Variants in TXLNB observed in about 807,000 individuals in gnomAD.
The protein encoded by TXLNB is beta-taxilin.
TXLNB carries 37 observed loss-of-function variants against 57.4 expected under a neutral mutation model. The observed-to-expected ratio is 0.64, with a 90% CI of 0.50 to 0.85. The LOEUF (loss-of-function observed/expected upper bound fraction) is 0.85. TXLNB is among the 40% of genes least tolerant of loss of function. The probability of loss-of-function intolerance (pLI) is 0.00; values close to 1 mark genes in which losing one functional copy is unlikely to be tolerated. For missense variants in TXLNB, 848 were observed against 825.6 expected, an observed-to-expected ratio of 1.03 and a Z score of -0.33; for synonymous variants, 302 against 309.6, an observed-to-expected ratio of 0.98 and a Z score of 0.26.
chr6:139,234,341 TG>T, the TXLNB span: 4 of 152,266 alleles, frequency 2.6e-5, no homozygotes, highest in African/African-American at 9.6e-5. Context: ...AGGGCATGTC[TG>T]AGACCTTCAT....
the TXLNB span, among the ~76,000 whole-genome samples, chr6:139,310,268 A>G: frequency 2.0e-5 from 3 of 152,228 alleles, no homozygotes; most frequent in Non-Finnish European, 4.4e-5. Context: ...AAGAATTCTT[A>G]CAACTCAATA....
At chr6:139,212,273 T>G in the TXLNB span, among the ~76,000 whole-genome samples, 2 of 152,140 alleles carry the variant, frequency 1.3e-5, no homozygotes, top group African/African-American at 2.4e-5. Flanking sequence ...GACTAACAGC[T>G]GATCTCTCAG....
chr6:139,316,943 T>C, the TXLNB span, among the ~76,000 whole-genome samples: 5 of 152,206 alleles, frequency 3.3e-5, no homozygotes, highest in African/African-American at 7.2e-5. Context: ...TACTTGAGGA[T>C]CCAAGACTGG....
At chr6:139,298,521 C>T in the TXLNB span, among the ~76,000 whole-genome samples, 1 of 152,152 alleles carries the variant, frequency 6.6e-6, no homozygotes, top group African/African-American at 2.4e-5. Flanking sequence ...TTCCTTATCC[C>T]ATTGCTGGAT....
chr6:139,230,039 T>C, the TXLNB span, among the ~76,000 whole-genome samples: 1 of 152,238 alleles, frequency 6.6e-6, no homozygotes, highest in Admixed American at 6.5e-5. Flanking sequence ...TTGCTCCCTT[T>C]AACTTTTGAA....
At chr6:139,220,465 T>C in the TXLNB span, among the ~76,000 whole-genome samples, 1 of 152,208 alleles carries the variant, frequency 6.6e-6, no homozygotes, top group Admixed American at 6.5e-5. Flanking sequence ...TGAATCCTTG[T>C]ATACCATCCA....
chr6:139,229,028 T>C, the TXLNB span, among the ~76,000 whole-genome samples: 1 of 152,294 alleles, frequency 6.6e-6, no homozygotes, highest in South Asian at 2.1e-4. Context: ...CCAGACTGCA[T>C]GTATCCAGGA....
chr6:139,234,151 G>C, the TXLNB span: 1 of 152,150 alleles, frequency 6.6e-6, no homozygotes, highest in Non-Finnish European at 1.5e-5. Flanking sequence ...TTTCTAAGGG[G>C]TAAAGCATTC....
the TXLNB span, among the ~76,000 whole-genome samples, chr6:139,312,272 T>C: frequency 6.6e-6 from 1 of 152,104 alleles, no homozygotes. Context: ...CTTAGGACAT[T>C]AGACTTGAGG....
chr6:139,163,619 G>T, the TXLNB span, among the ~76,000 whole-genome samples: 1 of 152,200 alleles, frequency 6.6e-6, no homozygotes, highest in African/African-American at 2.4e-5. Context: ...CTTCGAAAGT[G>T]CTGGGATTAC....
intron 5 of TXLNB, 36 bp from the exon 6 acceptor site, chr6:139,260,473 T>G: frequency 3.1e-6 from 5 of 1,600,126 alleles, no homozygotes; most frequent in Non-Finnish European, 4.3e-6. Context: ...AAGCTTGGTT[T>G]ATTATTGGTG....
At chr6:139,192,842 A>C in the TXLNB span, among the ~76,000 whole-genome samples, 1 of 152,082 alleles carries the variant, frequency 6.6e-6, no homozygotes, top group Non-Finnish European at 1.5e-5. Context: ...ACACGCCTGT[A>C]TTCCCAGCTA....
chr6:139,201,107 T>C, the TXLNB span, among the ~76,000 whole-genome samples: 1 of 152,194 alleles, frequency 6.6e-6, no homozygotes, highest in Non-Finnish European at 1.5e-5. Flanking sequence ...TTACTTTACA[T>C]TGAAATAAAT....
intron 3 of TXLNB, among the ~76,000 whole-genome samples, chr6:139,276,204 G>C (rs1284376864): frequency 6.6e-6 from 1 of 152,146 alleles, no homozygotes; most frequent in Non-Finnish European, 1.5e-5. Context: ...TAAATGCCAA[G>C]TCCAATATTA....
In TXLNB at chr6:139,240,079, T is replaced by G. The variant is rs143498665; in HGVS notation, c.*2447A>C. On this transcript the variant is annotated 3_prime_UTR_variant, in exon 10 of 10. Coordinates refer to ENST00000358430, the MANE Select transcript of TXLNB (RefSeq NM_153235.4). Reference sequence around the variant, plus strand: ...TAGAGAATTTGGGAAGAGAAGTACCTTTTTAATAGATATATAAATTATAGT... The same window carrying G: ...TAGAGAATTTGGGAAGAGAAGTACCGTTTTAATAGATATATAAATTATAGT... 1,233 of 152,498 alleles carry G rather than the reference T, an allele frequency of 8.1e-3. 9 individuals are homozygous for G. Among genetic ancestry groups the G allele is most frequent in the African/African-American group, 0.028 (1,170 of 41,368 alleles). The allele number at this position is 152,498 out of a possible 1,614,324, so 9.4% of individuals were successfully genotyped here. A position where few individuals can be genotyped will look rare whatever the true frequency, so the allele number is the denominator to read the frequency against.
chr6:139,225,674 A>T, the TXLNB span, among the ~76,000 whole-genome samples: 2 of 152,304 alleles, frequency 1.3e-5, no homozygotes, highest in East Asian at 1.9e-4. Context: ...GTCAAAGAAG[A>T]ACTAAATAAA....
At chr6:139,176,581 A>G in the TXLNB span, among the ~76,000 whole-genome samples, 1 of 152,232 alleles carries the variant, frequency 6.6e-6, no homozygotes, top group Non-Finnish European at 1.5e-5. The surrounding 1 kb of genome is among the most constrained non-coding windows in gnomAD (Gnocchi z 4.5). Flanking sequence ...TCTATAGAGT[A>G]GAATGAAAAA....
downstream of TXLNB, among the ~76,000 whole-genome samples, chr6:139,236,412 C>T (rs1167382154): frequency 1.3e-5 from 2 of 152,166 alleles, no homozygotes; most frequent in African/African-American, 4.8e-5. Context: ...GCCACACCCC[C>T]ATCACATGTC....
chr6:139,290,394 AC>A (rs1025342849), intron 1 of TXLNB, among the ~76,000 whole-genome samples: 50 of 152,354 alleles, frequency 3.3e-4, no homozygotes, highest in African/African-American at 1.2e-3. Context: ...ACTAAACAAA[AC>A]AAAAGCATGA....
Sources: gnomAD v4.1 joint callset for allele counts (sites outside exome capture counted in the v4.1 genomes callset) on GRCh38, gnomAD v4.1.1 for gene constraint, Gnocchi (gnomAD v3.1) non-coding constraint, MANE v1.5 for transcripts, NCBI Gene and HGNC (gene_info 2026-07-23, HGNC 2026-07-21) for gene names.